Variants in PLCB4 observed in about 807,000 individuals in gnomAD.
PLCB4 encodes phospholipase C beta 4.
Under a neutral mutation model 178.8 loss-of-function variants are expected in PLCB4, and 77 were observed. That is an observed-to-expected ratio of 0.43 (90% CI 0.36 to 0.52). The LOEUF (loss-of-function observed/expected upper bound fraction) is 0.52. Among genes scored for constraint, PLCB4 ranks in the 20% least tolerant of loss-of-function variants. The pLI, the probability that PLCB4 is intolerant of heterozygous loss-of-function variation, is 0.00. For missense variants in PLCB4, 1,024 were observed against 1,453.4 expected, an observed-to-expected ratio of 0.70 and a Z score of 4.80; for synonymous variants, 496 against 490.8, an observed-to-expected ratio of 1.01 and a Z score of -0.14.
chr20:9,147,548 T>A (rs1388346378), intron 2 of PLCB4, among the ~76,000 whole-genome samples: 2 of 151,994 alleles, frequency 1.3e-5, no homozygotes, highest in Non-Finnish European at 2.9e-5. Flanking sequence ...CAGCGCTGGG[T>A]TAGTTCATAT....
intron 2 of PLCB4, among the ~76,000 whole-genome samples, chr20:9,205,846 T>C (rs1227978007): frequency 6.6e-6 from 1 of 152,218 alleles, no homozygotes; most frequent in East Asian, 1.9e-4. Flanking sequence ...TTCAAGAGTG[T>C]TATAGAAATG....
At chr20:9,103,941 A>T (rs1432497894) in intron 2 of PLCB4, among the ~76,000 whole-genome samples, 1 of 151,948 alleles carries the variant, frequency 6.6e-6, no homozygotes, top group East Asian at 1.9e-4. Context: ...CATTTTTCTC[A>T]TTGATAAGCA....
chr20:9,479,988 A>C lies in PLCB4; in HGVS notation c.*979A>C, dbSNP rs915356294. 6 of 152,586 alleles carry C rather than the reference A, an allele frequency of 3.9e-5. No homozygotes were observed. Among genetic ancestry groups the C allele is most frequent in the Admixed American group, 1.3e-4 (2 of 15,274 alleles). 9.5% of individuals were successfully genotyped at this position (152,586 alleles called of 1,614,324 possible). On this transcript the variant is annotated 3_prime_UTR_variant, in exon 40 of 40. Transcript: ENST00000378473. ...ATATAATTTGACTATCAAGACTTTT[A>C]GCATAATGAAAAACCCTCTCTCTAT...
rs1013393450 is a variant in PLCB4, at chr20:9,427,555, A to G, written c.2524+3603A>G. Among the ~76,000 whole-genome samples the G allele has an allele frequency of 4.6e-5, 7 of 152,192 alleles. No homozygotes were observed. The South Asian group carries it at 8.3e-4, about 18-fold the overall frequency. ...GAGCATTCTTCCTTTGTCAAATCCA[A>G]TGAGACTCCGAGTGCTGGGATTATC... is the stretch of plus-strand genomic sequence containing the variant. On this transcript the variant is annotated intron_variant, in intron 28 of 39. Coordinates refer to ENST00000378473, the MANE Select transcript of PLCB4 (RefSeq NM_001377142.1).
At chr20:9,414,974 A>C (rs1193756430) in intron 25 of PLCB4, among the ~76,000 whole-genome samples, 5 of 152,172 alleles carry the variant, frequency 3.3e-5, no homozygotes, top group African/African-American at 1.2e-4. Flanking sequence ...GAAACCACCA[A>C]ACCCAACATG....
At chr20:9,307,920 T>A (rs757775661) in intron 4 of PLCB4, 22 bp downstream of exon 4, 2 of 994,036 alleles carry the variant, frequency 2.0e-6, no homozygotes, top group African/African-American at 3.2e-5. Flanking sequence ...TTATTAATCT[T>A]TTCTCTCAAA....
chr20:9,074,154 G>A (rs2089712039), intron 1 of PLCB4, among the ~76,000 whole-genome samples: 1 of 152,146 alleles, frequency 6.6e-6, no homozygotes, highest in Non-Finnish European at 1.5e-5. Context: ...TTTTAGCTGT[G>A]TGACCCTGGG....
chr20:9,297,286 C>T (rs538782776), intron 3 of PLCB4, among the ~76,000 whole-genome samples: 2 of 151,852 alleles, frequency 1.3e-5, no homozygotes, highest in Non-Finnish European at 1.5e-5. Context: ...TGTGTGTACA[C>T]GTGTTCTCAC....
intron 2 of PLCB4, among the ~76,000 whole-genome samples, chr20:9,207,936 T>A (rs960081286): frequency 1.3e-5 from 2 of 152,180 alleles, no homozygotes; most frequent in Admixed American, 1.3e-4. Context: ...TTCATAGACT[T>A]GCTGAACAAG....
At chr20:9,133,392 C>A (rs573557733) in intron 2 of PLCB4, among the ~76,000 whole-genome samples, 1 of 152,042 alleles carries the variant, frequency 6.6e-6, no homozygotes, top group Non-Finnish European at 1.5e-5. Context: ...CTCAGCCTCC[C>A]GAGTAGTTGG....
chr20:9,419,819 A>G lies in PLCB4; in HGVS notation c.2064A>G (p.Lys688=), dbSNP rs780048316. The change falls in exon 26 of 40, where the codon AAA becomes AAG. Residue 688 remains lysine, a synonymous_variant. Transcript: ENST00000378473. ...EYNGSCGYLL[K]PDFMRRPDRT... ...ATTGTCCTACCAGGTACCTTCTCAA[A>G]CCAGATTTCATGAGGCGGCCTGATC... 9 of 1,613,054 alleles carry G rather than the reference A, an allele frequency of 5.6e-6. No homozygotes were observed. The African/African-American group carries it at 9.3e-5, about 17-fold the overall frequency.
In PLCB4 at chr20:9,459,650, G is replaced by A; in HGVS notation, c.3088G>A (p.Ala1030Thr). ...TCCCAAACAGGTCAAAGAGATTGTA[G>A]CACAGCACACAAAGGAATGGTCAGA... Reference protein sequence around the residue: ...DHKSKVKEIVAQHTKEWSEMI... With the variant: ...DHKSKVKEIVTQHTKEWSEMI... The change falls in exon 35 of 40, where the codon GCA (alanine) becomes ACA (threonine). Residue 1030 changes from alanine to threonine, a missense_variant. By Grantham distance (58) the Ala-to-Thr change is moderately conservative. Around this residue, in one of 7 missense-constraint regions of PLCB4, gnomAD observed 264 missense variants for 283.2 expected, o/e 0.93. Transcript: ENST00000378473. The A allele has an allele frequency of 1.2e-6, 2 of 1,607,366 alleles. No homozygotes were observed. Among genetic ancestry groups the A allele is most frequent in the South Asian group, 2.2e-5 (2 of 90,818 alleles).
At chr20:9,147,461 G>A (rs774745815) in intron 2 of PLCB4, among the ~76,000 whole-genome samples, 1 of 152,098 alleles carries the variant, frequency 6.6e-6, no homozygotes, top group Non-Finnish European at 1.5e-5. Flanking sequence ...AAGTTTCGGG[G>A]GGTTCAGCTG....
At chr20:9,387,343 CTTAAT>C (rs1361815324) in intron 14 of PLCB4, 115 bp from the exon 15 acceptor site, 4 of 571,582 alleles carry the variant, frequency 7.0e-6, no homozygotes, top group African/African-American at 5.7e-5. Flanking sequence ...AATCAGGTTA[CTTAAT>C]TTATTCAATT....
intron 2 of PLCB4, among the ~76,000 whole-genome samples, chr20:9,124,379 C>T (rs2092055761): frequency 6.6e-6 from 1 of 152,006 alleles, no homozygotes; most frequent in Non-Finnish European, 1.5e-5. Flanking sequence ...GTAGTCCCAG[C>T]TAATTGGGAG....
chr20:9,097,493 A>G (rs1015337079), intron 2 of PLCB4, among the ~76,000 whole-genome samples: 4 of 151,978 alleles, frequency 2.6e-5, no homozygotes, highest in African/African-American at 4.8e-5. Flanking sequence ...ACCTTGTGCC[A>G]TTATCCTTTC....
intron 2 of PLCB4, among the ~76,000 whole-genome samples, chr20:9,178,627 A>G (rs895763879): frequency 6.6e-6 from 1 of 151,604 alleles, no homozygotes; most frequent in Non-Finnish European, 1.5e-5. Flanking sequence ...AATATTTATG[A>G]TATTTATGTG....
At chr20:9,406,821 A>T (rs910900137) in intron 21 of PLCB4, among the ~76,000 whole-genome samples, 2 of 152,212 alleles carry the variant, frequency 1.3e-5, no homozygotes, top group Non-Finnish European at 2.9e-5. Context: ...CTCATGGATT[A>T]CATCATCCAA....
chr20:9,301,327 A>G (rs1468916884), intron 3 of PLCB4, among the ~76,000 whole-genome samples: 1 of 151,770 alleles, frequency 6.6e-6, no homozygotes. Context: ...GGTTTCACAT[A>G]CTGCCCTCTG....
Sources: allele counts gnomAD v4.1 joint callset (sites outside exome capture counted in the v4.1 genomes callset), GRCh38; gene constraint gnomAD v4.1.1; regional missense constraint gnomAD v4.1.1; transcripts MANE v1.5; gene names NCBI Gene and HGNC (gene_info 2026-07-23, HGNC 2026-07-21).